ODR4: variants seen among roughly 807,000 people sequenced by gnomAD.
ODR4 encodes odr-4 GPCR localization factor homolog.
A neutral mutation model predicts 60.2 loss-of-function variants in ODR4; 47 were observed. That is an observed-to-expected ratio of 0.78 (90% CI 0.62 to 1.00). ODR4 has a LOEUF of 1.00. Ranked by LOEUF, ODR4 falls within the 50% of genes least tolerant of loss-of-function variation. The pLI, the probability that ODR4 is intolerant of heterozygous loss-of-function variation, is 0.00. For missense variants in ODR4, 488 were observed against 530.8 expected (o/e 0.92, Z 0.79); for synonymous variants, 178 against 175.5 (o/e 1.01, Z -0.11).
chr1:186,421,183 G>C lies in ODR4; in HGVS notation c.*2107G>C, dbSNP rs76453850. On this transcript the variant is annotated 3_prime_UTR_variant, in exon 14 of 14. Transcript: ENST00000287859. ...ATCCTCAGCACAAATTCAGTAAAGA[G>C]ACTACAAAAGGATGATCTTCAAGAA... 6.6e-6 allele frequency: 1 copy of C among 152,142 alleles called. No individual in the cohort carries two copies. The allele number at this position is 152,142 out of a possible 1,614,324, so 9.4% of individuals were successfully genotyped here.
intron 11 of ODR4, among the ~76,000 whole-genome samples, chr1:186,402,493 G>C (rs1256055232): frequency 6.6e-6 from 1 of 151,460 alleles, no homozygotes; most frequent in African/African-American, 2.4e-5. Flanking sequence ...TTGAACTCTT[G>C]GTCCTAAGTG....
downstream of ODR4, among the ~76,000 whole-genome samples, chr1:186,422,905 A>G (rs1291589416): frequency 6.6e-6 from 1 of 152,188 alleles, no homozygotes; most frequent in African/African-American, 2.4e-5. Flanking sequence ...AAACAGTAAA[A>G]CGCATAATTG....
At chr1:186,406,291 G>C in intron 12 of ODR4, 23 bp downstream of exon 12, 4 of 1,507,334 alleles carry the variant, frequency 2.7e-6, no homozygotes, top group Non-Finnish European at 3.6e-6. Context: ...TGCTATTTAA[G>C]AACCTGGTTA....
chr1:186,417,984 A>G (rs1194032535), intron 13 of ODR4, among the ~76,000 whole-genome samples: 11 of 152,214 alleles, frequency 7.2e-5, no homozygotes, highest in African/African-American at 2.7e-4. Context: ...GGAGATTTTG[A>G]TAGGTGTTCT....
chr1:186,406,043 A>G, intron 11 of ODR4, 40 bp from the exon 12 acceptor site: 1 of 1,383,736 alleles, frequency 7.2e-7, no homozygotes, highest in Non-Finnish European at 9.7e-7. Flanking sequence ...TACCAGTGAC[A>G]AACCTATCTA....
At position 186,384,993 on chromosome 1, in the gene ODR4, A is replaced by G. The variant is rs573422084; in HGVS notation, c.235-995A>G. On this transcript the variant is annotated intron_variant, in intron 3 of 13. Coordinates refer to ENST00000287859, the MANE Select transcript of ODR4 (RefSeq NM_017847.6). ...GATGATAGAAAAAAATCCATGTGGT[A>G]TTAAGAACTAGCCACAATCATGTGA... 3.9e-5 allele frequency among the ~76,000 whole-genome samples: 6 copies of G among 152,230 alleles called. No individual in the cohort carries two copies. The South Asian group carries it at 1.2e-3, about 32-fold the overall frequency.
At chr1:186,434,271 T>C in the ODR4 span, among the ~76,000 whole-genome samples, 1 of 152,194 alleles carries the variant, frequency 6.6e-6, no homozygotes, top group Non-Finnish European at 1.5e-5. Flanking sequence ...TTTTCCATCA[T>C]TTTACATCTT....
chr1:186,411,163 A>T (rs541696242), intron 12 of ODR4, among the ~76,000 whole-genome samples: 1 of 152,340 alleles, frequency 6.6e-6, no homozygotes, highest in East Asian at 1.9e-4. Context: ...GGAAATGTTC[A>T]TTAGAGCATT....
chr1:186,429,993 A>G, the ODR4 span, among the ~76,000 whole-genome samples: 1 of 152,118 alleles, frequency 6.6e-6, no homozygotes, highest in African/African-American at 2.4e-5. Context: ...AAGTAGAGTT[A>G]GAAGTTACAG....
At chr1:186,425,197 T>C (rs1661862794), downstream of ODR4, among the ~76,000 whole-genome samples, 1 of 152,068 alleles carries the variant, frequency 6.6e-6, no homozygotes, top group Non-Finnish European at 1.5e-5. Context: ...CTAAACCAGT[T>C]TCAGTAACAT....
intron 7 of ODR4, among the ~76,000 whole-genome samples, chr1:186,391,159 C>T (rs1660454258): frequency 6.6e-6 from 1 of 152,006 alleles, no homozygotes; most frequent in South Asian, 2.1e-4. Flanking sequence ...CTAAATATAA[C>T]AGTATTCATT....
chr1:186,409,804 A>C (rs1177573591), intron 12 of ODR4, among the ~76,000 whole-genome samples: 2 of 152,142 alleles, frequency 1.3e-5, no homozygotes, highest in Non-Finnish European at 2.9e-5. Flanking sequence ...TCAGCCTCCC[A>C]AAGTGCTGGG....
chr1:186,388,320 A>G, intron 4 of ODR4, 122 bp from the exon 5 acceptor site: 1 of 576,962 alleles, frequency 1.7e-6, no homozygotes, highest in East Asian at 3.3e-5. Context: ...CTTCTCCAAT[A>G]AATAAAGAAT....
intron 2 of ODR4, among the ~76,000 whole-genome samples, chr1:186,381,563 G>A (rs1660028479): frequency 1.3e-5 from 2 of 152,128 alleles, no homozygotes; most frequent in South Asian, 2.1e-4. Context: ...TCCTGATCTC[G>A]TGATCCGCCT....
chr1:186,415,088 TAGAAAAAAAA>T (rs983003144), intron 12 of ODR4, among the ~76,000 whole-genome samples: 2 of 148,628 alleles, frequency 1.3e-5, no homozygotes, highest in African/African-American at 4.9e-5. Flanking sequence ...GATATGAGAA[TAGAAAAAAAA>T]AGGGGGGAGG....
chr1:186,378,584 G>A (rs530085048), intron 1 of ODR4, among the ~76,000 whole-genome samples: 3 of 152,266 alleles, frequency 2.0e-5, no homozygotes, highest in Non-Finnish European at 2.9e-5. Flanking sequence ...AGAGCTACCC[G>A]TAGTAATGAT....
At chr1:186,414,429 T>C (rs879421461) in intron 12 of ODR4, among the ~76,000 whole-genome samples, 33 of 152,086 alleles carry the variant, frequency 2.2e-4, no homozygotes, top group African/African-American at 8.0e-4. Context: ...AAATTTCCTA[T>C]AGCAAACAGG....
At chr1:186,408,726 G>C (rs1219520840) in intron 12 of ODR4, among the ~76,000 whole-genome samples, 1 of 150,434 alleles carries the variant, frequency 6.6e-6, no homozygotes, top group Non-Finnish European at 1.5e-5. Flanking sequence ...ATAATTTTTT[G>C]AATTATTTGT....
At chr1:186,426,836 A>G in the ODR4 span, among the ~76,000 whole-genome samples, 4 of 152,194 alleles carry the variant, frequency 2.6e-5, no homozygotes, top group Admixed American at 1.3e-4. Flanking sequence ...AACTAAGCTA[A>G]TATCATAATC....
Sources: allele counts gnomAD v4.1 joint callset (sites outside exome capture counted in the v4.1 genomes callset), GRCh38; gene constraint gnomAD v4.1.1; transcripts MANE v1.5; gene names NCBI Gene and HGNC (gene_info 2026-07-23, HGNC 2026-07-21).